GLIPR2: variants seen among roughly 807,000 people sequenced by gnomAD.
GLIPR2 encodes the protein Golgi-associated plant pathogenesis-related protein 1.
Under a neutral mutation model 20.4 loss-of-function variants are expected in GLIPR2, and 21 were observed. The ratio of observed to expected loss-of-function variants is 1.03; its 90% CI spans 0.73 to 1.48. The LOEUF (loss-of-function observed/expected upper bound fraction) is 1.48, where lower values mean the gene tolerates loss of function less well. Among genes scored for constraint, GLIPR2 ranks in the 40% most tolerant of loss-of-function variants. The pLI is 0.00. For synonymous variants in GLIPR2, 91 were observed against 80.5 expected, an observed-to-expected ratio of 1.13 and a Z score of -0.70; for missense variants, 205 against 200.1, an observed-to-expected ratio of 1.02 and a Z score of -0.15.
In GLIPR2 at chr9:36,163,005, C is replaced by A; in HGVS notation, c.*483C>A. 1 of 423,492 alleles carries A rather than the reference C, an allele frequency of 2.4e-6. No homozygotes were observed. Among genetic ancestry groups the A allele is most frequent in the Non-Finnish European group, 4.7e-6 (1 of 214,920 alleles). 26.2% of individuals were successfully genotyped at this position (423,492 alleles called of 1,614,324 possible). On this transcript the variant is annotated 3_prime_UTR_variant, in exon 5 of 5. Transcript: ENST00000377960. Reference sequence around the variant, plus strand: ...AAATACAGCTTTAAGCACATAAATACAAAGCAGCTTCCATCAGGAACATGG... The same window carrying A: ...AAATACAGCTTTAAGCACATAAATAAAAAGCAGCTTCCATCAGGAACATGG...
intron 3 of GLIPR2, among the ~76,000 whole-genome samples, chr9:36,149,368 T>C (rs1355284537): frequency 6.6e-6 from 1 of 152,202 alleles, no homozygotes; most frequent in African/African-American, 2.4e-5. Context: ...CCCCAAGTCC[T>C]CTTGGTTTCC....
intron 1 of GLIPR2, among the ~76,000 whole-genome samples, chr9:36,145,675 AGATGGAGGGAGGATGTTGGATG>A (rs1201381372): frequency 1.3e-5 from 2 of 152,118 alleles, no homozygotes; most frequent in African/African-American, 2.4e-5. Flanking sequence ...ATGGGTGGGT[AGATGGAGGGAGGATGTTGGATG>A]GATGGATGGA....
intron 4 of GLIPR2, among the ~76,000 whole-genome samples, chr9:36,158,929 A>G (rs1414174880): frequency 2.6e-5 from 4 of 152,098 alleles, no homozygotes; most frequent in Non-Finnish European, 5.9e-5. Context: ...GCTGGGCGTG[A>G]TGGTGCTCAC....
intron 1 of GLIPR2, among the ~76,000 whole-genome samples, chr9:36,145,211 AG>A (rs1216745550): frequency 6.6e-6 from 1 of 152,200 alleles, no homozygotes; most frequent in Non-Finnish European, 1.5e-5. Context: ...CCCCATTTCC[AG>A]AGAAAGGAAC....
intron 4 of GLIPR2, among the ~76,000 whole-genome samples, chr9:36,160,524 G>T (rs975564638): frequency 6.6e-6 from 1 of 151,600 alleles, no homozygotes; most frequent in Non-Finnish European, 1.5e-5. Flanking sequence ...AAAGAGAAGA[G>T]GAAGGGAAGG....
chr9:36,137,578 T>C (rs1319149933), intron 1 of GLIPR2, among the ~76,000 whole-genome samples: 2 of 152,150 alleles, frequency 1.3e-5, no homozygotes, highest in Non-Finnish European at 2.9e-5. Flanking sequence ...CCATCTGTGA[T>C]TCCCCCCGGG....
At chr9:36,154,483 G>A (rs1043674718) in intron 4 of GLIPR2, among the ~76,000 whole-genome samples, 2 of 152,060 alleles carry the variant, frequency 1.3e-5, no homozygotes, top group African/African-American at 4.8e-5. Flanking sequence ...AATAGTGCTC[G>A]CTCATTCTTT....
intron 1 of GLIPR2, among the ~76,000 whole-genome samples, chr9:36,147,103 C>T (rs911234708): frequency 4.6e-5 from 7 of 152,356 alleles, no homozygotes; most frequent in South Asian, 2.1e-4. Flanking sequence ...CTCACAGACA[C>T]ACCCCAAAAT....
chr9:36,149,733 T>TA (rs1825499884), intron 3 of GLIPR2, among the ~76,000 whole-genome samples: 1 of 152,054 alleles, frequency 6.6e-6, no homozygotes, highest in African/African-American at 2.4e-5. Flanking sequence ...TGTGGAGCTT[T>TA]AAAAAAATAC....
chr9:36,154,112 T>C (rs1322552991), intron 4 of GLIPR2, among the ~76,000 whole-genome samples: 1 of 146,700 alleles, frequency 6.8e-6, no homozygotes, highest in African/African-American at 2.5e-5. Context: ...CCCCCCCCCT[T>C]TGAGACCGAG....
chr9:36,137,146 GC>G (rs1362296446), intron 1 of GLIPR2, among the ~76,000 whole-genome samples: 1 of 152,148 alleles, frequency 6.6e-6, no homozygotes, highest in Non-Finnish European at 1.5e-5. Context: ...GAAGCAGTTT[GC>G]CCCGCTCGGC....
At chr9:36,153,122 C>G (rs953027942) in intron 4 of GLIPR2, among the ~76,000 whole-genome samples, 1 of 88,438 alleles carries the variant, frequency 1.1e-5, no homozygotes, top group Admixed American at 1.3e-4. Flanking sequence ...GACTCTGTCT[C>G]AAAAAAAAAA....
chr9:36,152,512 G>C (rs1825630058), intron 4 of GLIPR2, among the ~76,000 whole-genome samples: 1 of 152,048 alleles, frequency 6.6e-6, no homozygotes, highest in Non-Finnish European at 1.5e-5. Context: ...CACTTTGGGA[G>C]GCCGAGGTGG....
intron 3 of GLIPR2, among the ~76,000 whole-genome samples, chr9:36,150,493 A>C (rs967403737): frequency 6.6e-6 from 1 of 152,086 alleles, no homozygotes; most frequent in Non-Finnish European, 1.5e-5. Context: ...TCTCCTAGAA[A>C]CTCGGAGCAT....
At chr9:36,147,590 G>A (rs1393442072) in intron 1 of GLIPR2, among the ~76,000 whole-genome samples, 196 bp from the exon 2 acceptor site, 4 of 152,270 alleles carry the variant, frequency 2.6e-5, no homozygotes, top group Non-Finnish European at 4.4e-5. Context: ...GTGCAGAGAT[G>A]TGGAGCGCGA....
chr9:36,152,952 C>CAAAAAAAAA (rs67296666), intron 4 of GLIPR2, among the ~76,000 whole-genome samples: 1 of 14,008 alleles, frequency 7.1e-5, no homozygotes, highest in Non-Finnish European at 1.2e-4. Context: ...ACTGAAAGTG[C>CAAAAAAAAA]AAAAAAAAAA....
chr9:36,143,929 T>A (rs12349592), intron 1 of GLIPR2, among the ~76,000 whole-genome samples: 2,257 of 152,266 alleles, frequency 0.015, 62 homozygotes, highest in African/African-American at 0.052. Context: ...CCAGAATTCA[T>A]CAGAGGCCTC....
chr9:36,153,265 A>G (rs559446419), intron 4 of GLIPR2, among the ~76,000 whole-genome samples: 14 of 152,258 alleles, frequency 9.2e-5, no homozygotes, highest in Middle Eastern at 3.4e-3. Flanking sequence ...CCACTCCAAA[A>G]CAGGAATCTC....
At chr9:36,143,056 A>G (rs911504671) in intron 1 of GLIPR2, among the ~76,000 whole-genome samples, 5 of 152,170 alleles carry the variant, frequency 3.3e-5, no homozygotes, top group African/African-American at 1.2e-4. Flanking sequence ...TTGCTTGGAC[A>G]CAGGAACTTT....
Sources: allele counts gnomAD v4.1 joint callset (sites outside exome capture counted in the v4.1 genomes callset), GRCh38; gene constraint gnomAD v4.1.1; transcripts MANE v1.5; gene names NCBI Gene and HGNC (gene_info 2026-07-23, HGNC 2026-07-21).